Variants in TM9SF4 observed in about 807,000 individuals in gnomAD.
TM9SF4 encodes the protein transmembrane 9 superfamily member 4, also known as dinucleotide oxidase disulfide thiol exchanger 3 superfamily member 4.
Under a neutral mutation model 90.4 loss-of-function variants are expected in TM9SF4, and 26 were observed. That is an observed-to-expected ratio of 0.29 (90% confidence interval 0.21 to 0.40). TM9SF4 has a LOEUF of 0.40. Ranked by LOEUF, TM9SF4 falls within the 10% of genes least tolerant of loss-of-function variation. The pLI is 1.00. For synonymous variants in TM9SF4, 293 were observed against 315.4 expected (o/e 0.93, Z 0.75); for missense variants, 549 against 834.8 (o/e 0.66, Z 4.22).
At chr20:32,118,418 T>G (rs2046256695) in intron 1 of TM9SF4, among the ~76,000 whole-genome samples, 1 of 152,032 alleles carries the variant, frequency 6.6e-6, no homozygotes, top group Non-Finnish European at 1.5e-5. Context: ...TATAAATGAA[T>G]ATATGTCTTT....
At chr20:32,131,245 C>T (rs951662065) in intron 1 of TM9SF4, among the ~76,000 whole-genome samples, 3 of 152,156 alleles carry the variant, frequency 2.0e-5, no homozygotes, top group African/African-American at 7.2e-5. Flanking sequence ...TACTTGTAAA[C>T]GTTCACAACA....
intron 8 of TM9SF4, among the ~76,000 whole-genome samples, chr20:32,146,531 C>T (rs1002141893): frequency 6.6e-6 from 1 of 152,040 alleles, no homozygotes; most frequent in African/African-American, 2.4e-5. Context: ...CTGGGATGCT[C>T]CTCTCCCCAG....
chr20:32,109,860 C>T, intron 1 of TM9SF4, 105 bp downstream of exon 1: 1 of 1,541,184 alleles, frequency 6.5e-7, no homozygotes, highest in Non-Finnish European at 8.7e-7. Context: ...TCCGGGACCC[C>T]TGACTCAGGC....
chr20:32,138,639 A>G (rs1245665124), intron 3 of TM9SF4, among the ~76,000 whole-genome samples: 13 of 152,266 alleles, frequency 8.5e-5, no homozygotes, highest in Admixed American at 8.5e-4. Context: ...CCTGAGCAAC[A>G]GAGCAAGACT....
intron 3 of TM9SF4, among the ~76,000 whole-genome samples, chr20:32,140,604 C>A (rs2046658516): frequency 6.6e-6 from 1 of 152,200 alleles, no homozygotes. Context: ...ATTGGATTGA[C>A]TTCCTTTATT....
At position 32,133,115 on chromosome 20, in the gene TM9SF4, G is replaced by A. The variant is rs747837483; in HGVS notation, c.118G>A (p.Val40Ile). ...APINFHQNDP[V>I]EIKAVKLTSS... ...TATCAACTTCCACCAGAACGATCCC[G>A]TAGAAATCAAGGTAAGTGTGTTCCT... The change falls in exon 2 of 18, where the codon GTA (valine) becomes ATA (isoleucine). Residue 40 changes from valine to isoleucine, a missense_variant. By Grantham distance (29) the Val-to-Ile change is conservative. Around this residue, in one of 2 missense-constraint regions of TM9SF4, gnomAD observed 495 missense variants for 711.7 expected, o/e 0.70. Coordinates refer to ENST00000398022, the MANE Select transcript of TM9SF4 (RefSeq NM_014742.4). 8.7e-6 allele frequency: 14 copies of A among 1,614,028 alleles called. No homozygotes were observed. Among genetic ancestry groups the A allele is most frequent in the East Asian group, 2.2e-5 (1 of 44,884 alleles).
Position 32,141,756 on chromosome 20 carries a change from C to T in TM9SF4, c.399-10C>T. On this transcript the variant is annotated splice_polypyrimidine_tract_variant and intron_variant, in intron 4 of 17. Coordinates refer to ENST00000398022, the MANE Select transcript of TM9SF4 (RefSeq NM_014742.4). The stretch of plus-strand genomic sequence containing the variant: ...GTCGAGAGGGACTGAGTGGGGCCTT[C>T]ACTTTCCAGCATTGCTGACAACCTG... 6.2e-7 allele frequency: 1 copy of T among 1,614,062 alleles called. No homozygotes were observed. Among genetic ancestry groups the T allele is most frequent in the Non-Finnish European group, 8.5e-7 (1 of 1,179,968 alleles).
chr20:32,119,819 G>T (rs1437024706), intron 1 of TM9SF4, among the ~76,000 whole-genome samples: 1 of 151,910 alleles, frequency 6.6e-6, no homozygotes, highest in East Asian at 1.9e-4. Context: ...GTTTAGTTCT[G>T]TGATCCATTT....
intron 16 of TM9SF4, 28 bp downstream of exon 16, chr20:32,160,139 G>A (rs751928186): frequency 6.2e-7 from 1 of 1,613,892 alleles, no homozygotes; most frequent in South Asian, 1.1e-5. Context: ...AGGAGGCGGG[G>A]GAGGGAGAAC....
intron 1 of TM9SF4, among the ~76,000 whole-genome samples, chr20:32,115,897 C>T (rs1241773698): frequency 7.6e-6 from 1 of 130,744 alleles, no homozygotes; most frequent in Non-Finnish European, 1.5e-5. Flanking sequence ...CAGTGCATTA[C>T]TGCAACCTCT....
In TM9SF4 at chr20:32,109,772, C is replaced by T. The variant is rs1047547725; in HGVS notation, c.15+17C>T. The T allele has an allele frequency of 1.3e-6, 2 of 1,551,466 alleles. No homozygotes were observed. Among genetic ancestry groups the T allele is most frequent in the East Asian group, 2.4e-5 (1 of 40,926 alleles). On this transcript the variant is annotated intron_variant, in intron 1 of 17. Coordinates refer to ENST00000398022, the MANE Select transcript of TM9SF4 (RefSeq NM_014742.4). The stretch of plus-strand genomic sequence containing the variant: ...ACGGCGATGGTGAGTGAAGGAGACT[C>T]CGGGAGCGGGAGCTGGAGCGGGGCC...
intron 1 of TM9SF4, among the ~76,000 whole-genome samples, chr20:32,125,898 G>A (rs1467424440): frequency 1.3e-5 from 2 of 151,776 alleles, no homozygotes; most frequent in Non-Finnish European, 2.9e-5. Flanking sequence ...TCAAACTCCT[G>A]GGCTCAAGCA....
In TM9SF4 at chr20:32,145,421, C is replaced by A; in HGVS notation, c.881C>A (p.Ser294Ter). 6.2e-7 allele frequency: 1 copy of A among 1,613,656 alleles called. No homozygotes were observed. The highest frequency in any genetic ancestry group is 1.1e-5 in the South Asian group (1 of 91,032). ...TCCGTTGTTGTGGTCTTCTTCCTGT[C>A]AGGTGAGAGATCTGTGGGTTGAGGG... Reference protein sequence around the residue: ...INSVVVVFFLSGILSMIIIRT... With the variant: ...INSVVVVFFL The change falls in exon 8 of 18, where the codon TCA becomes TAA. Residue 294 changes from serine (S) to a stop codon, truncating the protein, a stop_gained and splice_region_variant. Transcript: ENST00000398022. LOFTEE classifies it high-confidence loss of function.
intron 6 of TM9SF4, among the ~76,000 whole-genome samples, chr20:32,144,686 G>T (rs2046734209): frequency 6.6e-6 from 1 of 152,166 alleles, no homozygotes; most frequent in Non-Finnish European, 1.5e-5. Flanking sequence ...AACACAGAAG[G>T]ATTGCATCAG....
intron 1 of TM9SF4, among the ~76,000 whole-genome samples, chr20:32,117,166 G>T (rs2046238688): frequency 7.1e-6 from 1 of 141,638 alleles, no homozygotes; most frequent in South Asian, 2.2e-4. Flanking sequence ...GGAGGTTGCA[G>T]TGAGCCAAGA....
intron 8 of TM9SF4, among the ~76,000 whole-genome samples, chr20:32,146,204 A>G (rs1396954588): frequency 6.6e-6 from 1 of 152,230 alleles, no homozygotes; most frequent in East Asian, 1.9e-4. Flanking sequence ...ACTCAAGGTC[A>G]TATGGCCCAT....
intron 8 of TM9SF4, among the ~76,000 whole-genome samples, chr20:32,146,206 A>G (rs1260695862): frequency 1.3e-5 from 2 of 152,170 alleles, no homozygotes; most frequent in Non-Finnish European, 2.9e-5. Context: ...TCAAGGTCAT[A>G]TGGCCCATTC....
chr20:32,118,459 C>T (rs1032968306), intron 1 of TM9SF4, among the ~76,000 whole-genome samples: 1 of 151,542 alleles, frequency 6.6e-6, no homozygotes, highest in African/African-American at 2.4e-5. Flanking sequence ...GACAGGGTCT[C>T]ACCCTGTCAC....
chr20:32,136,833 C>A lies in TM9SF4; in HGVS notation c.229+660C>A, dbSNP rs1464211256. 11 of 471,026 alleles carry A rather than the reference C, an allele frequency of 2.3e-5. No individual in the cohort carries two copies. In the Admixed American group the frequency reaches 2.6e-4, roughly 11 times the overall value. The allele number at this position is 471,026 out of a possible 1,614,324, so 29.2% of individuals were successfully genotyped here. A position where few individuals can be genotyped will look rare whatever the true frequency, so the allele number is the denominator to read the frequency against. ...GATAAAAGCATGGAAAGGTGTCTCC[C>A]TGACCTCAGGGAACTTAAGAGACTT... On this transcript the variant is annotated intron_variant, in intron 3 of 17. Transcript: ENST00000398022.
Sources: allele counts gnomAD v4.1 joint callset (sites outside exome capture counted in the v4.1 genomes callset), GRCh38; gene constraint gnomAD v4.1.1; regional missense constraint gnomAD v4.1.1; transcripts MANE v1.5; gene names NCBI Gene and HGNC (gene_info 2026-07-23, HGNC 2026-07-21).